The following ABCG1 variants were observed in gnomAD, a reference collection of about 807,000 sequenced individuals.
The protein encoded by ABCG1 is ATP-binding cassette sub-family G member 1.
A neutral mutation model predicts 69.2 loss-of-function variants in ABCG1; 29 were observed. The observed-to-expected ratio is 0.42, with a 90% CI of 0.31 to 0.57. The LOEUF (loss-of-function observed/expected upper bound fraction) is 0.57. Ranked by LOEUF, ABCG1 falls within the 20% of genes least tolerant of loss-of-function variation. ABCG1 has a pLI of 0.15. For missense variants in ABCG1, 718 were observed against 898.1 expected (o/e 0.80, Z 2.56); for synonymous variants, 370 against 374.8 (o/e 0.99, Z 0.15).
rs1384123519 is a variant in ABCG1 at position 42,288,437 on chromosome 21, G to A, written c.1224+125G>A. 5 of 729,622 alleles carry A rather than the reference G, an allele frequency of 6.9e-6. No homozygotes were observed. Among genetic ancestry groups the A allele is most frequent in the Middle Eastern group, 3.8e-4 (1 of 2,624 alleles). The allele number at this position is 729,622 out of a possible 1,614,324, so 45.2% of individuals were successfully genotyped here. ...AAAGAAATTCATGAGGCCAGGCATG[G>A]TGACTCATGTCTGTAACCCCAGCAC... On this transcript the variant is annotated intron_variant, in intron 10 of 14. Transcript: ENST00000398449. The surrounding 1 kb of genome is among the most constrained non-coding windows in gnomAD (Gnocchi z 4.8).
intron 2 of ABCG1, among the ~76,000 whole-genome samples, chr21:42,208,361 T>C (rs753459561): frequency 2.0e-5 from 3 of 152,160 alleles, no homozygotes; most frequent in Admixed American, 6.5e-5. Context: ...CCAAGAACCC[T>C]GGATGGTTTG....
chr21:42,282,538 C>A, intron 6 of ABCG1, 119 bp downstream of exon 6: 1 of 1,223,552 alleles, frequency 8.2e-7, no homozygotes, highest in Non-Finnish European at 1.1e-6. Context: ...TTGAGCTCAC[C>A]CGGCGGTTCC....
At chr21:42,216,118 G>A (rs755690706), upstream of ABCG1, 2 of 450,848 alleles carry the variant, frequency 4.4e-6, no homozygotes, top group Non-Finnish European at 8.9e-6. Flanking sequence ...TCTCTCTCTT[G>A]TCTGCCGCCA....
upstream of ABCG1, among the ~76,000 whole-genome samples, chr21:42,211,628 C>T (rs1183451809): frequency 6.6e-6 from 1 of 151,958 alleles, no homozygotes; most frequent in Non-Finnish European, 1.5e-5. Context: ...GCCTGTAATC[C>T]CAGCACTTTG....
At chr21:42,284,790 C>G (rs562599280) in intron 7 of ABCG1, 107 bp downstream of exon 7, 1 of 1,429,150 alleles carries the variant, frequency 7.0e-7, no homozygotes, top group East Asian at 2.3e-5. Flanking sequence ...CGTGGGGCGT[C>G]TTCATGACAC....
chr21:42,270,799 G>A (rs1331778055), intron 2 of ABCG1, among the ~76,000 whole-genome samples: 2 of 152,102 alleles, frequency 1.3e-5, no homozygotes, highest in Non-Finnish European at 2.9e-5. Flanking sequence ...CCATAGACTA[G>A]ACAATGAGTG....
intron 2 of ABCG1, among the ~76,000 whole-genome samples, chr21:42,206,777 A>C (rs1210615202): frequency 6.6e-6 from 1 of 151,894 alleles, no homozygotes; most frequent in Non-Finnish European, 1.5e-5. Flanking sequence ...TTATGTTTAA[A>C]TAACTTCATT....
At chr21:42,244,760 T>G (rs1601384349) in intron 2 of ABCG1, among the ~76,000 whole-genome samples, 1 of 152,214 alleles carries the variant, frequency 6.6e-6, no homozygotes, top group Non-Finnish European at 1.5e-5. Flanking sequence ...GACATCCATT[T>G]CCAAGCCACA....
At chr21:42,282,440 C>G in intron 6 of ABCG1, 21 bp downstream of exon 6, 2 of 1,601,662 alleles carry the variant, frequency 1.2e-6, no homozygotes, top group Non-Finnish European at 1.7e-6. Flanking sequence ...AGCATCTGAG[C>G]TGGTGTCCAG....
In ABCG1 at chr21:42,228,028, C is replaced by T. The variant is rs535143524; in HGVS notation, c.286+2114C>T. Among the ~76,000 whole-genome samples the T allele has an allele frequency of 3.9e-5, 6 of 152,296 alleles. No individual in the cohort carries two copies. In the South Asian group the frequency reaches 1.2e-3, roughly 32 times the overall value. ...ATGAGATTTGGGTGGGGACACAGAG[C>T]CAAACCACATCACCCAGTATGTGAC... is the stretch of plus-strand genomic sequence containing the variant. On this transcript the variant is annotated intron_variant, in intron 2 of 14. Transcript: ENST00000398449.
chr21:42,208,224 T>A (rs760709712), intron 2 of ABCG1, among the ~76,000 whole-genome samples: 3 of 113,160 alleles, frequency 2.7e-5, no homozygotes, highest in East Asian at 2.1e-4. Flanking sequence ...TTGTTGGGAC[T>A]TTTTTTTTTT....
chr21:42,208,223 C>CTTTT (rs35946579), intron 2 of ABCG1, among the ~76,000 whole-genome samples: 2,262 of 133,602 alleles, frequency 0.017, 72 homozygotes, highest in African/African-American at 0.058. Flanking sequence ...TTTGTTGGGA[C>CTTTT]TTTTTTTTTT....
chr21:42,219,082 C>A (rs1601341799), upstream of ABCG1: 1 of 402,734 alleles, frequency 2.5e-6, no homozygotes, highest in Non-Finnish European at 3.7e-6. The surrounding 1 kb of genome is among the most constrained non-coding windows in gnomAD (Gnocchi z 5.3). Flanking sequence ...GCCGGCCAAT[C>A]GCGCGCTCGG....
intron 2 of ABCG1, among the ~76,000 whole-genome samples, chr21:42,268,511 C>A (rs1424922222): frequency 6.6e-6 from 1 of 152,182 alleles, no homozygotes; most frequent in African/African-American, 2.4e-5. Flanking sequence ...TGTACCCGGG[C>A]TGTCCCACAG....
At chr21:42,233,268 G>A (rs905386089) in intron 2 of ABCG1, among the ~76,000 whole-genome samples, 2 of 152,132 alleles carry the variant, frequency 1.3e-5, no homozygotes, top group East Asian at 1.9e-4. Flanking sequence ...GGTGACTTCA[G>A]GGCTGTGATT....
Position 42,288,289 on chromosome 21 carries a change from T to A in ABCG1, c.1201T>A (p.Phe401Ile), listed in dbSNP as rs757743866. 1.9e-6 allele frequency: 3 copies of A among 1,611,918 alleles called. No individual in the cohort carries two copies. The South Asian group carries it at 3.3e-5, about 18-fold the overall frequency. Reference sequence around the variant, plus strand: ...GTTCTGCATCCTCTTCAAGAGGACCTTCCTCAGCATCATGAGGGACTCGGT... The same window carrying A: ...GTTCTGCATCCTCTTCAAGAGGACCATCCTCAGCATCATGAGGGACTCGGT... ...TQFCILFKRT[F>I]LSIMRDSVLT... Residue 401 changes from phenylalanine to isoleucine, a missense_variant, in exon 10 of 15, where the codon TTC becomes ATC. Coordinates refer to ENST00000398449, the MANE Select transcript of ABCG1 (RefSeq NM_016818.3). This position sits in a 1 kb window ranked among gnomAD's most constrained non-coding sequence, Gnocchi z 4.8.
rs1042465869 is a variant in ABCG1 at position 42,288,579 on chromosome 21, T to C, written c.1224+267T>C. ...AAAATTAGCCAGGCCTGGTAGTGCA[T>C]GCCTGTAATCCCAGCTACTCAGGAG... On this transcript the variant is annotated intron_variant, in intron 10 of 14. Coordinates refer to ENST00000398449, the MANE Select transcript of ABCG1 (RefSeq NM_016818.3). This position sits in a 1 kb window ranked among gnomAD's most constrained non-coding sequence, Gnocchi z 4.8. Among the ~76,000 whole-genome samples the C allele has an allele frequency of 6.6e-6, 1 of 152,180 alleles. No individual in the cohort carries two copies. The highest frequency in any genetic ancestry group is 1.9e-4 in the East Asian group (1 of 5,166).
At chr21:42,241,411 C>G (rs1015966745) in intron 2 of ABCG1, among the ~76,000 whole-genome samples, 2 of 151,964 alleles carry the variant, frequency 1.3e-5, no homozygotes, top group Non-Finnish European at 2.9e-5. Flanking sequence ...TTGAGACTAG[C>G]CTGGCCAACA....
At chr21:42,224,364 G>A (rs1764502052) in intron 1 of ABCG1, among the ~76,000 whole-genome samples, 1 of 152,196 alleles carries the variant, frequency 6.6e-6, no homozygotes, top group African/African-American at 2.4e-5. Flanking sequence ...CTGGGAGGAG[G>A]CTTCGGGGTC....
Sources: gnomAD v4.1 joint callset for allele counts (sites outside exome capture counted in the v4.1 genomes callset) on GRCh38, gnomAD v4.1.1 for gene constraint, Gnocchi (gnomAD v3.1) non-coding constraint, MANE v1.5 for transcripts, NCBI Gene and HGNC (gene_info 2026-07-23, HGNC 2026-07-21) for gene names.